ACTR5: variants seen among roughly 807,000 people sequenced by gnomAD.
The protein encoded by ACTR5 is actin-related protein 5.
ACTR5 carries 43 observed loss-of-function variants against 61.2 expected under a neutral mutation model. That is an observed-to-expected ratio of 0.70 (90% CI 0.55 to 0.91). The LOEUF (loss-of-function observed/expected upper bound fraction) is 0.91, where lower values mean the gene tolerates loss of function less well. Ranked by LOEUF, ACTR5 falls within the 40% of genes least tolerant of loss-of-function variation. ACTR5 has a pLI of 0.00. For synonymous variants in ACTR5, 333 were observed against 310.5 expected, an observed-to-expected ratio of 1.07 and a Z score of -0.76; for missense variants, 798 against 782.2, an observed-to-expected ratio of 1.02 and a Z score of -0.24.
intron 5 of ACTR5, among the ~76,000 whole-genome samples, chr20:38,759,363 GC>G (rs1372613832): frequency 1.4e-5 from 2 of 142,052 alleles, no homozygotes; most frequent in African/African-American, 5.1e-5. Flanking sequence ...GGAGACCCTG[GC>G]AAACTCTAGC....
At chr20:38,752,350 A>G (rs1194840378) in intron 3 of ACTR5, 50 bp downstream of exon 3, 2 of 1,524,084 alleles carry the variant, frequency 1.3e-6, no homozygotes, top group Admixed American at 2.1e-5. Context: ...TCTACCTTGT[A>G]TTCCTTAAAT....
chr20:38,767,636 A>G (rs2084495996), intron 8 of ACTR5, 40 bp downstream of exon 8: 5 of 1,567,530 alleles, frequency 3.2e-6, no homozygotes, highest in Admixed American at 1.8e-5. Flanking sequence ...TGAAAATAGC[A>G]TTACCTGTTT....
intron 5 of ACTR5, among the ~76,000 whole-genome samples, chr20:38,758,146 G>A (rs1027425982): frequency 2.0e-5 from 3 of 152,082 alleles, no homozygotes; most frequent in Admixed American, 2.0e-4. Context: ...TTCTTCAGCA[G>A]TGGGGAAACT....
In ACTR5 at chr20:38,772,069, G is replaced by C. The variant is rs922154405; in HGVS notation, c.*253G>C. 1 of 517,674 alleles carries C rather than the reference G, an allele frequency of 1.9e-6. No homozygotes were observed. The highest frequency in any genetic ancestry group is 1.9e-5 in the African/African-American group (1 of 52,840). The allele number at this position is 517,674 out of a possible 1,614,324, so 32.1% of individuals were successfully genotyped here. Reference sequence around the variant, plus strand: ...CTTTGTTCAACTGTGGCCAGCTGTGGCATCAGCTTCCTGGAGCAGTAAATG... The same window carrying C: ...CTTTGTTCAACTGTGGCCAGCTGTGCCATCAGCTTCCTGGAGCAGTAAATG... On this transcript the variant is annotated 3_prime_UTR_variant, in exon 9 of 9. Transcript: ENST00000243903.
In ACTR5 at chr20:38,771,458, T is replaced by C. The variant is rs1299579118; in HGVS notation, c.1567-101T>C. ...GGAGTGCACTGGGCCCACCTATGTG[T>C]ATATTTCTGGGGATAAAATATCGGG... On this transcript the variant is annotated intron_variant, in intron 8 of 8. Coordinates refer to ENST00000243903, the MANE Select transcript of ACTR5 (RefSeq NM_024855.4). The C allele has an allele frequency of 2.0e-6, 3 of 1,496,900 alleles. No homozygotes were observed. In the African/African-American group the frequency reaches 4.2e-5, roughly 21 times the overall value. 92.7% of individuals were successfully genotyped at this position (1,496,900 alleles called of 1,614,324 possible).
At position 38,756,049 on chromosome 20, in the gene ACTR5, G is replaced by T; in HGVS notation, c.1176+10G>T. 1.9e-5 allele frequency: 31 copies of T among 1,606,470 alleles called. No homozygotes were observed. Among genetic ancestry groups the T allele is most frequent in the Non-Finnish European group, 2.6e-5 (31 of 1,177,586 alleles). On this transcript the variant is annotated intron_variant, in intron 5 of 8. Coordinates refer to ENST00000243903, the MANE Select transcript of ACTR5 (RefSeq NM_024855.4). The stretch of plus-strand genomic sequence containing the variant: ...AGACAGCAAGCCAGAGGTAACTTAG[G>T]GCCTTGGAAGGAGCAGCCCTTCTTG...
chr20:38,757,668 C>A (rs1401072000), intron 5 of ACTR5, among the ~76,000 whole-genome samples: 3 of 151,754 alleles, frequency 2.0e-5, no homozygotes, highest in Non-Finnish European at 4.4e-5. Flanking sequence ...GATGGGCTCC[C>A]AGCTGGAGGC....
intron 5 of ACTR5, among the ~76,000 whole-genome samples, chr20:38,759,854 G>C (rs1034543921): frequency 6.6e-6 from 1 of 152,122 alleles, no homozygotes; most frequent in East Asian, 1.9e-4. Context: ...AGAAGGACTG[G>C]ATGTTTCAGC....
At chr20:38,749,416 G>A (rs1030913224) in intron 1 of ACTR5, among the ~76,000 whole-genome samples, 1 of 152,172 alleles carries the variant, frequency 6.6e-6, no homozygotes, top group Non-Finnish European at 1.5e-5. Context: ...AAGGCCCCGA[G>A]GCAGGAGTGT....
chr20:38,770,375 C>T (rs2084512827), intron 8 of ACTR5, among the ~76,000 whole-genome samples: 1 of 152,148 alleles, frequency 6.6e-6, no homozygotes, highest in Non-Finnish European at 1.5e-5. Context: ...AAAATGAAAA[C>T]CAAGAAAACT....
At chr20:38,767,264 C>T (rs574427385) in intron 7 of ACTR5, among the ~76,000 whole-genome samples, 200 bp from the exon 8 acceptor site, 9 of 151,594 alleles carry the variant, frequency 5.9e-5, no homozygotes, top group South Asian at 2.1e-4. Context: ...ATTCAGATTA[C>T]GGTTTTGTCT....
In ACTR5 at chr20:38,748,506, G is replaced by T. The variant is rs1291327478; in HGVS notation, c.28G>T (p.Asp10Tyr). Reference protein sequence around the residue: MAANVFPFRDARAAPDPVLE... With the variant: MAANVFPFRYARAAPDPVLE... Reference sequence around the variant, plus strand: ...GGCGGCGAACGTGTTCCCGTTCCGCGACGCCCGTGCCGCACCGGACCCAGT... The same window carrying T: ...GGCGGCGAACGTGTTCCCGTTCCGCTACGCCCGTGCCGCACCGGACCCAGT... The change falls in exon 1 of 9, where the codon GAC (aspartate) becomes TAC (tyrosine). Residue 10 changes from aspartate to tyrosine, a missense_variant. Asp to Tyr is a radical substitution (Grantham distance 160). Coordinates refer to ENST00000243903, the MANE Select transcript of ACTR5 (RefSeq NM_024855.4). 1.3e-6 allele frequency: 2 copies of T among 1,495,258 alleles called. No homozygotes were observed. Among genetic ancestry groups the T allele is most frequent in the Non-Finnish European group, 1.8e-6 (2 of 1,128,936 alleles). 92.6% of individuals were successfully genotyped at this position (1,495,258 alleles called of 1,614,324 possible). A position where few individuals can be genotyped will look rare whatever the true frequency, so the allele number is the denominator to read the frequency against.
chr20:38,750,608 T>G lies in ACTR5; in HGVS notation c.605+369T>G, dbSNP rs75874307. On this transcript the variant is annotated intron_variant, in intron 2 of 8. Coordinates refer to ENST00000243903, the MANE Select transcript of ACTR5 (RefSeq NM_024855.4). ...CTTTGTGTTCTGGAGTTTTTTTTGTTTTTTTTTTGTTTTTGTTTTTGTTTG... is the reference window on the plus strand; with the variant it reads ...CTTTGTGTTCTGGAGTTTTTTTTGTGTTTTTTTTGTTTTTGTTTTTGTTTG... Among the ~76,000 whole-genome samples, 214 of 8,970 alleles carry G rather than the reference T, an allele frequency of 0.024. No homozygotes were observed. The Non-Finnish European group carries it at 0.3, about 12-fold the overall frequency. 5.9% of individuals were successfully genotyped at this position (8,970 alleles called of 152,430 possible). A position where few individuals can be genotyped will look rare whatever the true frequency, so the allele number is the denominator to read the frequency against.
intron 5 of ACTR5, among the ~76,000 whole-genome samples, chr20:38,762,863 C>T (rs1159811996): frequency 6.6e-6 from 1 of 152,220 alleles, no homozygotes; most frequent in Non-Finnish European, 1.5e-5. Flanking sequence ...CTTGGGGAAT[C>T]ACAGGTTACA....
chr20:38,765,073 G>A (rs1285845978), intron 5 of ACTR5, among the ~76,000 whole-genome samples: 1 of 152,206 alleles, frequency 6.6e-6, no homozygotes, highest in African/African-American at 2.4e-5. Flanking sequence ...TTAGAGTTGC[G>A]TGTGTGGTGG....
intron 1 of ACTR5, among the ~76,000 whole-genome samples, 175 bp downstream of exon 1, chr20:38,749,028 T>C (rs2084370290): frequency 6.6e-6 from 1 of 152,194 alleles, no homozygotes; most frequent in South Asian, 2.1e-4. Flanking sequence ...GCTCCTTGTA[T>C]CTTGGAGCAT....
chr20:38,767,671 G>T, intron 8 of ACTR5, 75 bp downstream of exon 8: 1 of 1,492,908 alleles, frequency 6.7e-7, no homozygotes, highest in South Asian at 1.3e-5. Flanking sequence ...TAATAATCAT[G>T]CAGAAATATC....
In ACTR5 at chr20:38,751,120, C is replaced by T. The variant is rs1878974765; in HGVS notation, c.605+881C>T. On this transcript the variant is annotated intron_variant, in intron 2 of 8. Transcript: ENST00000243903. ...AGAGCCTAGGCCACCACTGTGTTCTCCTGAGGTTTCTCACATTGGCACAAA... is the reference window on the plus strand; with the variant it reads ...AGAGCCTAGGCCACCACTGTGTTCTTCTGAGGTTTCTCACATTGGCACAAA... Among the ~76,000 whole-genome samples, 3 of 148,730 alleles carry T rather than the reference C, an allele frequency of 2.0e-5. 1 individual carries two copies. In the South Asian group the frequency reaches 6.3e-4, roughly 31 times the overall value.
chr20:38,762,168 G>GT (rs752662625), intron 5 of ACTR5, among the ~76,000 whole-genome samples: 10 of 152,272 alleles, frequency 6.6e-5, no homozygotes, highest in East Asian at 5.8e-4. Context: ...CAGCTGGAGG[G>GT]TTTTTTACTT....
Sources: allele counts gnomAD v4.1 joint callset (sites outside exome capture counted in the v4.1 genomes callset), GRCh38; gene constraint gnomAD v4.1.1; transcripts MANE v1.5; gene names NCBI Gene and HGNC (gene_info 2026-07-23, HGNC 2026-07-21).